Variants in WDR41 observed in about 807,000 individuals in gnomAD.
WDR41 encodes the protein WD repeat-containing protein 41.
Under a neutral mutation model 69.3 loss-of-function variants are expected in WDR41, and 63 were observed. The ratio of observed to expected loss-of-function variants is 0.91; its 90% CI spans 0.74 to 1.12. The LOEUF (loss-of-function observed/expected upper bound fraction) is 1.12, where lower values mean the gene tolerates loss of function less well. Ranked by LOEUF, WDR41 falls within the 50% of genes most tolerant of loss-of-function variation. WDR41 has a pLI of 0.00. For synonymous variants in WDR41, 185 were observed against 192.1 expected (o/e 0.96, Z 0.31); for missense variants, 543 against 534.5 (o/e 1.02, Z -0.16).
intron 2 of WDR41, among the ~76,000 whole-genome samples, chr5:77,472,748 C>G (rs1581738249): frequency 3.3e-5 from 5 of 151,912 alleles, no homozygotes; most frequent in Admixed American, 6.6e-5. Flanking sequence ...GAACTACAAA[C>G]CACTGCTCAA....
intron 1 of WDR41, among the ~76,000 whole-genome samples, chr5:77,603,623 A>C (rs554723777): frequency 2.0e-5 from 3 of 152,300 alleles, no homozygotes; most frequent in Admixed American, 1.3e-4. Context: ...TGTGCTTTTG[A>C]AGTCTTAGCT....
At chr5:77,536,642 G>A (rs1039138631) in intron 1 of WDR41, among the ~76,000 whole-genome samples, 13 of 152,054 alleles carry the variant, frequency 8.5e-5, no homozygotes, top group Admixed American at 2.0e-4. Flanking sequence ...TATTTTTACC[G>A]TACCTTTTCT....
chr5:77,583,262 C>T, intron 1 of WDR41: 2 of 614,624 alleles, frequency 3.3e-6, no homozygotes, highest in Non-Finnish European at 2.8e-6. Context: ...TCCCTGTTAT[C>T]TCAACATTTT....
chr5:77,545,989 C>T, intron 1 of WDR41: 1 of 488,440 alleles, frequency 2.0e-6, no homozygotes, highest in South Asian at 3.4e-5. Context: ...TGCCCAGGAG[C>T]ACTGGCATCA....
intron 1 of WDR41, among the ~76,000 whole-genome samples, chr5:77,534,527 G>A (rs749285355): frequency 2.0e-5 from 3 of 151,508 alleles, no homozygotes; most frequent in Admixed American, 6.6e-5. Context: ...TCCAACTCCC[G>A]GATTCAAGTG....
At chr5:77,534,865 G>A (rs1025149453) in intron 1 of WDR41, among the ~76,000 whole-genome samples, 6 of 152,194 alleles carry the variant, frequency 3.9e-5, no homozygotes, top group African/African-American at 1.4e-4. Context: ...TAAATGATGT[G>A]TAGTGGTTTT....
intron 12 of WDR41, 100 bp downstream of exon 12, chr5:77,436,161 T>C (rs57880624): frequency 3.7e-5 from 53 of 1,448,562 alleles, no homozygotes; most frequent in African/African-American, 5.7e-5. Context: ...CCTACAGATA[T>C]AAGAAAAAGT....
chr5:77,553,019 T>C (rs920231247), intron 1 of WDR41, among the ~76,000 whole-genome samples: 1 of 152,084 alleles, frequency 6.6e-6, no homozygotes, highest in African/African-American at 2.4e-5. Context: ...GCATGATCCA[T>C]AAAAAGAAAA....
chr5:77,433,353 A>G, intron 12 of WDR41, 66 bp from the exon 13 acceptor site: 1 of 1,472,720 alleles, frequency 6.8e-7, no homozygotes, highest in East Asian at 2.3e-5. Flanking sequence ...ATACCACATT[A>G]ACACATGTGC....
chr5:77,566,646 G>T (rs563470497), intron 1 of WDR41, among the ~76,000 whole-genome samples: 3 of 152,100 alleles, frequency 2.0e-5, no homozygotes, highest in Non-Finnish European at 2.9e-5. Flanking sequence ...ACATATGCAC[G>T]CTTGTGTGGT....
At chr5:77,508,426 C>T (rs1171621502) in intron 1 of WDR41, among the ~76,000 whole-genome samples, 1 of 152,180 alleles carries the variant, frequency 6.6e-6, no homozygotes, top group East Asian at 1.9e-4. Flanking sequence ...TTTATAAAAA[C>T]GTCTGTGTTT....
Position 77,431,875 on chromosome 5 carries a change from T to C in WDR41, c.*1260A>G, listed in dbSNP as rs563573341. 1.8e-3 allele frequency: 164 copies of C among 93,298 alleles called. No homozygotes were observed. The highest frequency in any genetic ancestry group is 6.4e-3 in the African/African-American group (156 of 24,282). 5.8% of individuals were successfully genotyped at this position (93,298 alleles called of 1,614,324 possible). ...ATGTTGTTTGGATTTAAAGTAGTCA[T>C]ATAAGCCTTTTCTCATTCAGTCTTC... On this transcript the variant is annotated 3_prime_UTR_variant, in exon 13 of 13. Coordinates refer to ENST00000296679, the MANE Select transcript of WDR41 (RefSeq NM_018268.4).
chr5:77,546,094 C>T (rs993483950), intron 1 of WDR41: 7 of 527,642 alleles, frequency 1.3e-5, no homozygotes, highest in African/African-American at 4.0e-5. Flanking sequence ...TGGGCAACTT[C>T]GGCAAGGCCA....
At chr5:77,474,711 C>T (rs1477616637) in intron 2 of WDR41, among the ~76,000 whole-genome samples, 2 of 152,152 alleles carry the variant, frequency 1.3e-5, no homozygotes, top group South Asian at 2.1e-4. Context: ...TTGCATAGTT[C>T]CCATGGTTAT....
intron 8 of WDR41, among the ~76,000 whole-genome samples, chr5:77,446,000 G>C (rs527716523): frequency 1.2e-4 from 19 of 152,222 alleles, no homozygotes; most frequent in African/African-American, 4.6e-4. Context: ...GTTTGCAGAT[G>C]ACATGATTGT....
At chr5:77,554,829 T>G (rs1446313665) in intron 1 of WDR41, among the ~76,000 whole-genome samples, 1 of 151,928 alleles carries the variant, frequency 6.6e-6, no homozygotes, top group East Asian at 1.9e-4. Context: ...CTGATAAAAG[T>G]GCCTAGAGGC....
chr5:77,619,961 G>C (rs950510115), intron 1 of WDR41, among the ~76,000 whole-genome samples: 1 of 151,984 alleles, frequency 6.6e-6, no homozygotes, highest in African/African-American at 2.4e-5. Context: ...TAAGGGAAGA[G>C]GAAATTACTA....
chr5:77,455,168 G>A (rs1799777893), intron 5 of WDR41, among the ~76,000 whole-genome samples: 2 of 152,068 alleles, frequency 1.3e-5, no homozygotes, highest in South Asian at 4.1e-4. Flanking sequence ...TTAGATATTA[G>A]CCACTCTAGT....
At chr5:77,436,085 C>T (rs987868288) in intron 12 of WDR41, among the ~76,000 whole-genome samples, 176 bp downstream of exon 12, 1 of 149,938 alleles carries the variant, frequency 6.7e-6, no homozygotes, top group South Asian at 2.1e-4. Context: ...ATCATATATC[C>T]GGAAAGGGAG....
Sources: allele counts gnomAD v4.1 joint callset (sites outside exome capture counted in the v4.1 genomes callset), GRCh38; gene constraint gnomAD v4.1.1; transcripts MANE v1.5; gene names NCBI Gene and HGNC (gene_info 2026-07-23, HGNC 2026-07-21).